DYNC2H1: variants seen among roughly 807,000 people sequenced by gnomAD.
The protein encoded by DYNC2H1 is cytoplasmic dynein 2 heavy chain 1.
Under a neutral mutation model 570.0 loss-of-function variants are expected in DYNC2H1, and 410 were observed. That is an observed-to-expected ratio of 0.72 (90% CI 0.66 to 0.78). The LOEUF is 0.78. Ranked by LOEUF, DYNC2H1 falls within the 30% of genes least tolerant of loss-of-function variation. The pLI, the probability that DYNC2H1 is intolerant of heterozygous loss-of-function variation, is 0.00. For synonymous variants in DYNC2H1, 1,688 were observed against 1,677.6 expected, an observed-to-expected ratio of 1.01 and a Z score of -0.15; for missense variants, 4,865 against 5,046.4, an observed-to-expected ratio of 0.96 and a Z score of 1.09.
intron 84 of DYNC2H1, among the ~76,000 whole-genome samples, chr11:103,415,015 C>G (rs150225226): frequency 1.8e-3 from 273 of 152,190 alleles, no homozygotes; most frequent in African/African-American, 6.3e-3. Flanking sequence ...TGACTTTCTT[C>G]ACAGAATTAG....
chr11:103,463,147 T>G (rs903277280), intron 87 of DYNC2H1, among the ~76,000 whole-genome samples: 2 of 152,172 alleles, frequency 1.3e-5, no homozygotes, highest in African/African-American at 4.8e-5. Context: ...TCATCCACTC[T>G]TATCTAAATA....
chr11:103,153,591 A>T lies in DYNC2H1; in HGVS notation c.3302+83A>T, dbSNP rs1860674410. ...AGCTAGTAATTTTCTTATGTCTGTT[A>T]TCTTGATAACTTTCCTCATAAACTT... On this transcript the variant is annotated intron_variant, in intron 22 of 88. Coordinates refer to ENST00000375735, the MANE Select transcript of DYNC2H1 (RefSeq NM_001377.3). 13 of 1,215,652 alleles carry T rather than the reference A, an allele frequency of 1.1e-5. No individual in the cohort carries two copies. The South Asian group carries it at 1.8e-4, about 16-fold the overall frequency. The allele number at this position is 1,215,652 out of a possible 1,614,324, so 75.3% of individuals were successfully genotyped here. A position where few individuals can be genotyped will look rare whatever the true frequency, so the allele number is the denominator to read the frequency against.
At chr11:103,152,935 G>C (rs188556945) in intron 21 of DYNC2H1, among the ~76,000 whole-genome samples, 1 of 152,164 alleles carries the variant, frequency 6.6e-6, no homozygotes, top group East Asian at 1.9e-4. Context: ...TGGGAGACTG[G>C]GCAATGCCTT....
intron 84 of DYNC2H1, among the ~76,000 whole-genome samples, chr11:103,418,332 G>A (rs1272762036): frequency 2.0e-5 from 3 of 152,164 alleles, no homozygotes; most frequent in Admixed American, 2.0e-4. Context: ...AAGATTGTGG[G>A]ATATAAGGTA....
chr11:103,441,035 T>C (rs1944250631), intron 85 of DYNC2H1, among the ~76,000 whole-genome samples: 1 of 152,162 alleles, frequency 6.6e-6, no homozygotes, highest in African/African-American at 2.4e-5. Flanking sequence ...CTTGGAAATA[T>C]CCCCATGACT....
intron 83 of DYNC2H1, among the ~76,000 whole-genome samples, chr11:103,383,062 C>T (rs989607676): frequency 2.6e-5 from 4 of 152,108 alleles, no homozygotes; most frequent in Non-Finnish European, 5.9e-5. Context: ...AGACTTAGAC[C>T]TCTGAGGAAG....
In DYNC2H1 at chr11:103,468,700, C is replaced by T. The variant is rs980687731; in HGVS notation, c.12760C>T (p.Pro4254Ser). 1.9e-6 allele frequency: 3 copies of T among 1,606,890 alleles called. No homozygotes were observed. The highest frequency in any genetic ancestry group is 2.7e-5 in the African/African-American group (2 of 74,760). Residue 4254 changes from proline to serine, a missense_variant, in exon 88 of 89, where the codon CCA becomes TCA. Physicochemically the swap from Pro to Ser is moderately conservative, Grantham distance 74. Transcript: ENST00000375735. ...SVLPCFMGWI[P>S]QDACGPYSPD... is the part of the protein sequence containing the mutation. Reference sequence around the variant, plus strand: ...GCTCCCTTGTTTTATGGGCTGGATTCCACAGGTAATACATTTTTAACAAGC... The same window carrying T: ...GCTCCCTTGTTTTATGGGCTGGATTTCACAGGTAATACATTTTTAACAAGC...
In DYNC2H1 at chr11:103,219,910, T is replaced by C; in HGVS notation, c.8833-5T>C. On this transcript the variant is annotated splice_polypyrimidine_tract_variant and splice_region_variant and intron_variant, in intron 55 of 88. Coordinates refer to ENST00000375735, the MANE Select transcript of DYNC2H1 (RefSeq NM_001377.3). ...GATTGGAATGCCACTTAAATATTCT[T>C]ATAGGATGCTAGTGAGCAAAAAACA... 6.7e-7 allele frequency: 1 copy of C among 1,487,410 alleles called. No individual in the cohort carries two copies. The highest frequency in any genetic ancestry group is 9.0e-7 in the Non-Finnish European group (1 of 1,112,178). The allele number at this position is 1,487,410 out of a possible 1,614,324, so 92.1% of individuals were successfully genotyped here.
intron 84 of DYNC2H1, among the ~76,000 whole-genome samples, chr11:103,422,133 C>T (rs1392793671): frequency 6.6e-6 from 1 of 152,044 alleles, no homozygotes; most frequent in Non-Finnish European, 1.5e-5. Context: ...CCTCCCAAGA[C>T]TGAAGCAGGA....
chr11:103,153,826 CT>C (rs1312898999), intron 22 of DYNC2H1, among the ~76,000 whole-genome samples: 1 of 151,720 alleles, frequency 6.6e-6, no homozygotes, highest in East Asian at 1.9e-4. Flanking sequence ...AGAAAAATTA[CT>C]TTTAGTGCCT....
intron 10 of DYNC2H1, 80 bp downstream of exon 10, chr11:103,121,576 G>A: frequency 7.1e-7 from 1 of 1,404,260 alleles, no homozygotes; most frequent in South Asian, 1.5e-5. Context: ...CTCTAGAGCT[G>A]TAGTAAATAT....
At chr11:103,158,616 G>A in intron 26 of DYNC2H1, 61 bp from the exon 27 acceptor site, 1 of 1,403,624 alleles carries the variant, frequency 7.1e-7, no homozygotes, top group East Asian at 2.5e-5. Context: ...GTCTTAATCT[G>A]TTTTTCTTAC....
chr11:103,476,177 G>A (rs1044688339), intron 88 of DYNC2H1, among the ~76,000 whole-genome samples: 1 of 152,284 alleles, frequency 6.6e-6, no homozygotes, highest in African/African-American at 2.4e-5. Flanking sequence ...CATCTAAGCA[G>A]AATTGAACAA....
chr11:103,381,000 T>C (rs1033635326), intron 83 of DYNC2H1, among the ~76,000 whole-genome samples: 5 of 152,244 alleles, frequency 3.3e-5, no homozygotes, highest in Admixed American at 2.6e-4. Flanking sequence ...GTGCTTATGC[T>C]TTATCCTTTA....
In DYNC2H1 at chr11:103,277,396, T is replaced by C. The variant is rs1391416578; in HGVS notation, c.10696-2952T>C. 1.3e-5 allele frequency among the ~76,000 whole-genome samples: 2 copies of C among 152,178 alleles called. No homozygotes were observed. Among genetic ancestry groups the C allele is most frequent in the African/African-American group, 4.8e-5 (2 of 41,462 alleles). Reference sequence around the variant, plus strand: ...CATCTGGGTCTAATTTAAACAATTATAAAGTTCTCTCCCCCTCCTTCATCT... The same window carrying C: ...CATCTGGGTCTAATTTAAACAATTACAAAGTTCTCTCCCCCTCCTTCATCT... On this transcript the variant is annotated intron_variant, in intron 70 of 88. Coordinates refer to ENST00000375735, the MANE Select transcript of DYNC2H1 (RefSeq NM_001377.3). The surrounding 1 kb of genome is among the most constrained non-coding windows in gnomAD (Gnocchi z 4.3).
At position 103,223,065 on chromosome 11, in the gene DYNC2H1, C is replaced by T; in HGVS notation, c.9332C>T (p.Thr3111Ile). The T allele has an allele frequency of 6.2e-7, 1 of 1,612,414 alleles. No homozygotes were observed. Among genetic ancestry groups the T allele is most frequent in the East Asian group, 2.2e-5 (1 of 44,728 alleles). The change falls in exon 59 of 89, where the codon ACT becomes ATT. Residue 3111 changes from threonine to isoleucine, a missense_variant. This residue lies in a region of DYNC2H1 where 2,401 missense variants were observed against 2,454.6 expected (regional missense o/e 0.98). Coordinates refer to ENST00000375735, the MANE Select transcript of DYNC2H1 (RefSeq NM_001377.3). ...TTGGAACGAATTCATCCTTTGGAAACTGAACAGGCAGGATTAGAATCGTAA... is the reference window on the plus strand; with the variant it reads ...TTGGAACGAATTCATCCTTTGGAAATTGAACAGGCAGGATTAGAATCGTAA... ...HVLERIHPLE[T>I]EQAGLESNLK...
rs998494537 is a variant in DYNC2H1, at chr11:103,185,898, A to G, written c.6634-344A>G. 4.6e-5 allele frequency among the ~76,000 whole-genome samples: 7 copies of G among 152,006 alleles called. No individual in the cohort carries two copies. Among genetic ancestry groups the G allele is most frequent in the African/African-American group, 1.7e-4 (7 of 41,432 alleles). ...TAGTGACACTGTGATGGACAGTACCAGGATATGGCAGAAATGAAGGGCTTT... is the reference window on the plus strand; with the variant it reads ...TAGTGACACTGTGATGGACAGTACCGGGATATGGCAGAAATGAAGGGCTTT... On this transcript the variant is annotated intron_variant, in intron 41 of 88. Transcript: ENST00000375735. This position sits in a 1 kb window ranked among gnomAD's most constrained non-coding sequence, Gnocchi z 4.5.
At chr11:103,402,425 A>G (rs531902949) in intron 84 of DYNC2H1, 6 of 152,262 alleles carry the variant, frequency 3.9e-5, no homozygotes, top group East Asian at 3.9e-4. Flanking sequence ...CATCATTGGT[A>G]TACAGTTAGT....
chr11:103,134,830 A>G (rs187726031), intron 15 of DYNC2H1, among the ~76,000 whole-genome samples: 1 of 152,056 alleles, frequency 6.6e-6, no homozygotes, highest in Non-Finnish European at 1.5e-5. Flanking sequence ...TTTGAGTTCT[A>G]TTCATATTTT....
Sources: gnomAD v4.1 joint callset for allele counts (sites outside exome capture counted in the v4.1 genomes callset) on GRCh38, gnomAD v4.1.1 for gene constraint, gnomAD v4.1.1 regional missense constraint, Gnocchi (gnomAD v3.1) non-coding constraint, MANE v1.5 for transcripts, NCBI Gene and HGNC (gene_info 2026-07-23, HGNC 2026-07-21) for gene names.